Variants in PLEKHA7 observed in about 807,000 individuals in gnomAD.
PLEKHA7 encodes pleckstrin homology domain-containing family A member 7.
In PLEKHA7, 104 loss-of-function variants were observed where a neutral mutation model predicts 170.0. That is an observed-to-expected ratio of 0.61 (90% confidence interval 0.52 to 0.72). The LOEUF (loss-of-function observed/expected upper bound fraction) is 0.72, where lower values mean the gene tolerates loss of function less well. Among genes scored for constraint, PLEKHA7 ranks in the 30% least tolerant of loss-of-function variants. The pLI, the probability that PLEKHA7 is intolerant of heterozygous loss-of-function variation, is 0.00. For missense variants in PLEKHA7, 1,615 were observed against 1,671.7 expected, an observed-to-expected ratio of 0.97 and a Z score of 0.59; for synonymous variants, 648 against 660.8, an observed-to-expected ratio of 0.98 and a Z score of 0.30.
At chr11:16,812,096 T>A (rs1849409658) in intron 13 of PLEKHA7, among the ~76,000 whole-genome samples, 1 of 152,210 alleles carries the variant, frequency 6.6e-6, no homozygotes, top group Admixed American at 6.5e-5. Flanking sequence ...TCTGGAAGTA[T>A]CTCAAGACCA....
intron 3 of PLEKHA7, among the ~76,000 whole-genome samples, chr11:16,898,550 A>C (rs1206493644): frequency 5.9e-5 from 9 of 152,190 alleles, no homozygotes; most frequent in Non-Finnish European, 8.8e-5. Context: ...TTTCAAGAAG[A>C]AGCAAGGCTG....
chr11:17,010,668 T>A (rs1043866799), intron 3 of PLEKHA7, among the ~76,000 whole-genome samples: 1 of 152,170 alleles, frequency 6.6e-6, no homozygotes, highest in Non-Finnish European at 1.5e-5. Flanking sequence ...ACTGAATACA[T>A]CCTGTAAAAC....
Position 16,944,526 on chromosome 11 carries a change from A to AG in PLEKHA7, c.221+69462_221+69463insC, listed in dbSNP as rs1347881021. 2.0e-4 allele frequency among the ~76,000 whole-genome samples: 29 copies of AG among 146,760 alleles called. No homozygotes were observed. In the South Asian group the frequency reaches 5.5e-3, roughly 28 times the overall value. ...AACCCTGTCTCAAAAAAAAAAAAAA[A>AG]TTAAAGTTCTTCTCCTTAAAAAAAA... On this transcript the variant is annotated intron_variant, in intron 3 of 26. Coordinates refer to ENST00000531066, the MANE Select transcript of PLEKHA7 (RefSeq NM_001329630.2).
At chr11:16,975,930 C>T (rs977555691) in intron 3 of PLEKHA7, among the ~76,000 whole-genome samples, 1 of 152,204 alleles carries the variant, frequency 6.6e-6, no homozygotes, top group African/African-American at 2.4e-5. Flanking sequence ...TGTGGGTCCC[C>T]ATTCTAGGAC....
intron 17 of PLEKHA7, among the ~76,000 whole-genome samples, chr11:16,797,297 C>T (rs1848301478): frequency 6.6e-6 from 1 of 152,006 alleles, no homozygotes; most frequent in South Asian, 2.1e-4. Context: ...TTGGTCCCAC[C>T]CCATGGACTA....
At chr11:16,932,799 A>G (rs1231942435) in intron 3 of PLEKHA7, among the ~76,000 whole-genome samples, 1 of 152,240 alleles carries the variant, frequency 6.6e-6, no homozygotes, top group East Asian at 1.9e-4. Context: ...AAGGTGTGGT[A>G]TTTAAGCTAA....
intron 9 of PLEKHA7, among the ~76,000 whole-genome samples, chr11:16,827,303 G>A (rs934977494): frequency 1.3e-5 from 2 of 152,196 alleles, no homozygotes; most frequent in Non-Finnish European, 2.9e-5. Flanking sequence ...AACTCTCAAT[G>A]ACTATCTACA....
chr11:16,790,730 C>A, intron 21 of PLEKHA7, 68 bp downstream of exon 21: 1 of 1,473,216 alleles, frequency 6.8e-7, no homozygotes, highest in Non-Finnish European at 9.4e-7. Context: ...GGGTACGAGG[C>A]ACCAGCTGAA....
intron 13 of PLEKHA7, among the ~76,000 whole-genome samples, chr11:16,805,442 G>A (rs1590176339): frequency 6.6e-6 from 1 of 151,928 alleles, no homozygotes; most frequent in East Asian, 1.9e-4. Context: ...TCTCTCTCAG[G>A]ATATTAGTAC....
intron 3 of PLEKHA7, among the ~76,000 whole-genome samples, chr11:16,941,923 C>T (rs1860719654): frequency 6.6e-6 from 1 of 152,242 alleles, no homozygotes; most frequent in South Asian, 2.1e-4. Flanking sequence ...GAAAGCACCT[C>T]TCTCGAAGGG....
chr11:16,778,622 G>A lies in PLEKHA7; in HGVS notation c.*376C>T, dbSNP rs142630390. 7.7e-3 allele frequency: 2,103 copies of A among 273,638 alleles called. 15 individuals carry two copies. The highest frequency in any genetic ancestry group is 0.012 in the Non-Finnish European group (1,683 of 139,060). The allele number at this position is 273,638 out of a possible 1,614,324, so 17.0% of individuals were successfully genotyped here. A position where few individuals can be genotyped will look rare whatever the true frequency, so the allele number is the denominator to read the frequency against. On this transcript the variant is annotated 3_prime_UTR_variant, in exon 27 of 27. Coordinates refer to ENST00000531066, the MANE Select transcript of PLEKHA7 (RefSeq NM_001329630.2). ...AGCCTCGGCTTGCCCCGCCCTTCCT[G>A]CCCCCACAACACCTGTCACCCAGAA...
In PLEKHA7 at chr11:16,817,520, C is replaced by G; in HGVS notation, c.1344-198G>C. 1 of 524,544 alleles carries G rather than the reference C, an allele frequency of 1.9e-6. No individual in the cohort carries two copies. Among genetic ancestry groups the G allele is most frequent in the Admixed American group, 3.4e-5 (1 of 29,122 alleles). 32.5% of individuals were successfully genotyped at this position (524,544 alleles called of 1,614,324 possible). On this transcript the variant is annotated intron_variant, in intron 10 of 26. Transcript: ENST00000531066. This position sits in a 1 kb window ranked among gnomAD's most constrained non-coding sequence, Gnocchi z 4.4. Reference sequence around the variant, plus strand: ...CGACTCCAAAACCATTTTTCTCTGTCAACTTCCTCTGCCAGGACAACTTGG... The same window carrying G: ...CGACTCCAAAACCATTTTTCTCTGTGAACTTCCTCTGCCAGGACAACTTGG...
rs1554964931 is a variant in PLEKHA7 at position 16,892,432 on chromosome 11, G to GTGTGTTTTGTTTTGTTTTGTTTTGTTT, written c.222-21251_222-21250insAAACAAAACAAAACAAAACAAAACACA. The stretch of plus-strand genomic sequence containing the variant: ...TGTGTGTGTGTGTGTGTGTGTGTGT[G>GTGTGTTTTGTTTTGTTTTGTTTTGTTT]TGTTTTGTTTTGTTTTGTTTTGTTT... On this transcript the variant is annotated intron_variant, in intron 3 of 26. Coordinates refer to ENST00000531066, the MANE Select transcript of PLEKHA7 (RefSeq NM_001329630.2). 4.3e-5 allele frequency among the ~76,000 whole-genome samples: 5 copies of GTGTGTTTTGTTTTGTTTTGTTTTGTTT among 115,022 alleles called. No homozygotes were observed. The South Asian group carries it at 1.1e-3, about 26-fold the overall frequency. The allele number at this position is 115,022 out of a possible 152,430, so 75.5% of individuals were successfully genotyped here. A position where few individuals can be genotyped will look rare whatever the true frequency, so the allele number is the denominator to read the frequency against.
intron 9 of PLEKHA7, among the ~76,000 whole-genome samples, chr11:16,836,272 T>C (rs146069032): frequency 2.6e-5 from 4 of 152,162 alleles, no homozygotes; most frequent in African/African-American, 9.6e-5. Context: ...GAGCCCAGAG[T>C]CTGAGAATAT....
intron 3 of PLEKHA7, among the ~76,000 whole-genome samples, chr11:16,994,346 G>A (rs7944490): frequency 0.35 from 53,176 of 152,000 alleles, 9,608 homozygotes; most frequent in East Asian, 0.43. Flanking sequence ...GGTCCCCCAG[G>A]GACACTAATC....
intron 3 of PLEKHA7, among the ~76,000 whole-genome samples, chr11:17,002,024 G>C (rs1221644876): frequency 6.6e-6 from 1 of 152,242 alleles, no homozygotes; most frequent in Non-Finnish European, 1.5e-5. Context: ...AAGGTCAGCT[G>C]ACATCTGTGG....
chr11:16,790,670 A>C, intron 21 of PLEKHA7, 128 bp downstream of exon 21: 1 of 891,388 alleles, frequency 1.1e-6, no homozygotes, highest in Non-Finnish European at 1.7e-6. Flanking sequence ...GGCATCCCAG[A>C]CCCCCCTGAC....
intron 19 of PLEKHA7, among the ~76,000 whole-genome samples, chr11:16,793,861 G>A (rs1200283923): frequency 3.9e-5 from 6 of 152,212 alleles, no homozygotes; most frequent in African/African-American, 1.4e-4. Context: ...GATGGCAGAT[G>A]GCACAGAATA....
intron 3 of PLEKHA7, among the ~76,000 whole-genome samples, chr11:16,974,264 C>T (rs1158226393): frequency 4.4e-5 from 6 of 135,946 alleles, no homozygotes; most frequent in Non-Finnish European, 7.9e-5. Context: ...GAGACCCTGT[C>T]TCCAAAAAAA....
Sources: gnomAD v4.1 joint callset for allele counts (sites outside exome capture counted in the v4.1 genomes callset) on GRCh38, gnomAD v4.1.1 for gene constraint, Gnocchi (gnomAD v3.1) non-coding constraint, MANE v1.5 for transcripts, NCBI Gene and HGNC (gene_info 2026-07-23, HGNC 2026-07-21) for gene names.